Variants in WWOX observed in about 807,000 individuals in gnomAD.
The protein encoded by WWOX is WW domain-containing oxidoreductase.
Under a neutral mutation model 46.2 loss-of-function variants are expected in WWOX, and 69 were observed. The observed-to-expected ratio is 1.49, with a 90% CI of 1.23 to 1.82. The LOEUF (loss-of-function observed/expected upper bound fraction) is 1.82. WWOX is among the 40% of genes most tolerant of loss of function. The pLI, the probability that WWOX is intolerant of heterozygous loss-of-function variation, is 0.00. For synonymous variants in WWOX, 359 were observed against 202.6 expected (o/e 1.77, Z -6.56); for missense variants, 919 against 542.6 (o/e 1.69, Z -6.89).
intron 8 of WWOX, among the ~76,000 whole-genome samples, chr16:78,916,665 A>C (rs1016507124): frequency 6.6e-6 from 1 of 152,204 alleles, no homozygotes; most frequent in Non-Finnish European, 1.5e-5. Context: ...TGTTAGTAAA[A>C]TTCCATCCCA....
chr16:78,674,415 G>T (rs2047541957), intron 8 of WWOX, among the ~76,000 whole-genome samples: 3 of 151,858 alleles, frequency 2.0e-5, no homozygotes, highest in Non-Finnish European at 4.4e-5. Context: ...CTCCTGAGTA[G>T]CTGGAACTAC....
chr16:78,606,379 C>G (rs2045757164), intron 8 of WWOX, among the ~76,000 whole-genome samples: 2 of 151,812 alleles, frequency 1.3e-5, no homozygotes, highest in South Asian at 4.1e-4. Context: ...GAAACGGTTA[C>G]TTTGGATTTA....
chr16:78,534,091 C>T (rs78436723), intron 8 of WWOX, among the ~76,000 whole-genome samples: 1 of 152,128 alleles, frequency 6.6e-6, no homozygotes, highest in Admixed American at 6.5e-5. Flanking sequence ...ATATTAGAAT[C>T]ATTGAATCCC....
At chr16:78,919,359 A>G (rs2045323842) in intron 8 of WWOX, among the ~76,000 whole-genome samples, 1 of 152,012 alleles carries the variant, frequency 6.6e-6, no homozygotes. Context: ...TAGAATTTGC[A>G]TCCAGGCAGT....
chr16:79,001,721 G>C (rs150985437), intron 8 of WWOX, among the ~76,000 whole-genome samples: 2 of 151,766 alleles, frequency 1.3e-5, no homozygotes, highest in Non-Finnish European at 2.9e-5. Context: ...GGAGGGGAGA[G>C]AGGGGGAAAT....
intron 8 of WWOX, among the ~76,000 whole-genome samples, chr16:78,846,626 A>T (rs979132325): frequency 2.0e-5 from 3 of 152,058 alleles, no homozygotes; most frequent in African/African-American, 7.2e-5. Flanking sequence ...TCTTATTACT[A>T]GTGATGTTAG....
chr16:78,603,994 A>T (rs2045685352), intron 8 of WWOX, among the ~76,000 whole-genome samples: 1 of 152,140 alleles, frequency 6.6e-6, no homozygotes, highest in African/African-American at 2.4e-5. Context: ...ATAGAAGAAA[A>T]TTAGTTGGCC....
chr16:78,395,904 C>G (rs923624639), intron 6 of WWOX, among the ~76,000 whole-genome samples: 1 of 152,094 alleles, frequency 6.6e-6, no homozygotes. Context: ...ATGTCTGTTC[C>G]TCTTGATTTT....
chr16:78,931,874 T>C (rs550933471), intron 8 of WWOX, among the ~76,000 whole-genome samples: 21 of 152,116 alleles, frequency 1.4e-4, no homozygotes, highest in Non-Finnish European at 2.6e-4. Flanking sequence ...TGGGAGGTAA[T>C]TGGATCATGG....
intron 8 of WWOX, among the ~76,000 whole-genome samples, chr16:79,037,116 T>C (rs772624110): frequency 2.6e-5 from 4 of 152,196 alleles, no homozygotes; most frequent in Admixed American, 6.5e-5. Context: ...GGTTTTCAGT[T>C]TGTAATCTCT....
chr16:79,159,295 A>G (rs2050440180), intron 8 of WWOX, among the ~76,000 whole-genome samples: 1 of 152,226 alleles, frequency 6.6e-6, no homozygotes, highest in African/African-American at 2.4e-5. Context: ...GTGATTTCCA[A>G]CACAGCTAAA....
At chr16:78,687,080 T>C (rs566490448) in intron 8 of WWOX, among the ~76,000 whole-genome samples, 53 of 133,348 alleles carry the variant, frequency 4.0e-4, no homozygotes, top group Non-Finnish European at 6.6e-4. Context: ...TATTTTATCA[T>C]TTAAAACACA....
intron 8 of WWOX, among the ~76,000 whole-genome samples, chr16:78,927,084 C>G (rs912509104): frequency 4.6e-5 from 7 of 152,220 alleles, no homozygotes; most frequent in African/African-American, 1.7e-4. Context: ...GCATGAGCCA[C>G]CATGCCCTGC....
intron 8 of WWOX, among the ~76,000 whole-genome samples, chr16:78,850,143 TGTGTGTGTGA>T (rs372954336): frequency 8.3e-4 from 126 of 152,128 alleles, no homozygotes; most frequent in Middle Eastern, 3.4e-3. Context: ...TACCAGTTTC[TGTGTGTGTGA>T]GTGTGTGTGA....
chr16:78,786,842 A>G (rs1043990529), intron 8 of WWOX, among the ~76,000 whole-genome samples: 1 of 152,238 alleles, frequency 6.6e-6, no homozygotes, highest in Non-Finnish European at 1.5e-5. Flanking sequence ...TAAGATTTAC[A>G]TAATGTAAAA....
intron 8 of WWOX, among the ~76,000 whole-genome samples, chr16:79,120,061 G>C (rs184399224): frequency 6.6e-6 from 1 of 152,282 alleles, no homozygotes; most frequent in East Asian, 1.9e-4. Flanking sequence ...ACTGCCTGCA[G>C]GAAGAGTGCA....
intron 8 of WWOX, chr16:79,017,021 C>G (rs1301855462): frequency 6.6e-6 from 1 of 152,114 alleles, no homozygotes; most frequent in Non-Finnish European, 1.5e-5. Context: ...ACCTTCAAAG[C>G]TTAATTAGGA....
At chr16:78,499,192 C>A (rs147125944) in intron 8 of WWOX, among the ~76,000 whole-genome samples, 3 of 152,066 alleles carry the variant, frequency 2.0e-5, no homozygotes, top group African/African-American at 7.2e-5. Context: ...TGAAGGTGTC[C>A]ACGCTGGCCC....
chr16:79,074,469 C>G (rs1182463092), intron 8 of WWOX, among the ~76,000 whole-genome samples: 1 of 94,780 alleles, frequency 1.1e-5, no homozygotes, highest in Non-Finnish European at 1.9e-5. Context: ...TTTGGAGAGG[C>G]TGGCTGACCC....
Sources: gnomAD v4.1 joint callset for allele counts (sites outside exome capture counted in the v4.1 genomes callset) on GRCh38, gnomAD v4.1.1 for gene constraint, MANE v1.5 for transcripts, NCBI Gene and HGNC (gene_info 2026-07-23, HGNC 2026-07-21) for gene names.